Variants in ARID3A observed in about 807,000 individuals in gnomAD.
ARID3A encodes the protein AT-rich interactive domain-containing protein 3A.
ARID3A carries 11 observed loss-of-function variants against 52.7 expected under a neutral mutation model. The observed-to-expected ratio is 0.21, with a 90% CI of 0.13 to 0.35. The LOEUF (loss-of-function observed/expected upper bound fraction) is 0.35. Ranked by LOEUF, ARID3A falls within the 10% of genes least tolerant of loss-of-function variation. ARID3A has a pLI of 1.00. For synonymous variants in ARID3A, 404 were observed against 359.4 expected (o/e 1.12, Z -1.40); for missense variants, 721 against 838.5 (o/e 0.86, Z 1.73).
chr19:926,279 A>AG (rs34554713), intron 1 of ARID3A, among the ~76,000 whole-genome samples: 76,250 of 150,454 alleles, frequency 0.51, 21,886 homozygotes, highest in Non-Finnish European at 0.64. Context: ...AAGCCAAAGA[A>AG]GGGGGTCCCC....
intron 3 of ARID3A, among the ~76,000 whole-genome samples, chr19:956,185 G>A (rs1000661357): frequency 6.6e-5 from 10 of 152,154 alleles, no homozygotes; most frequent in African/African-American, 9.7e-5. Flanking sequence ...CAGCCCCAGC[G>A]GTGAAGTCCT....
In ARID3A at chr19:929,763, G is replaced by T. The variant is rs116393241; in HGVS notation, c.235G>T (p.Gly79Cys). The T allele has an allele frequency of 5.7e-4, 888 of 1,552,708 alleles. 1 individual carries two copies. Among genetic ancestry groups the T allele is most frequent in the Non-Finnish European group, 7.4e-4 (854 of 1,154,996 alleles). Reference protein sequence around the residue: ...AAGLGHPASPGGSEDGPPGSE... With the variant: ...AAGLGHPASPCGSEDGPPGSE... ...GGGCCTGGGACACCCAGCCAGCCCC[G>T]GCGGCTCTGAGGATGGGCCCCCAGG... The change falls in exon 2 of 9, where the codon GGC becomes TGC. Residue 79 changes from glycine (G) to cysteine (C), a missense_variant. Coordinates refer to ENST00000263620, the MANE Select transcript of ARID3A (RefSeq NM_005224.3). This position sits in a 1 kb window ranked among gnomAD's most constrained non-coding sequence, Gnocchi z 6.2.
chr19:946,423 G>A (rs1339954638), intron 3 of ARID3A, among the ~76,000 whole-genome samples: 13 of 147,424 alleles, frequency 8.8e-5, no homozygotes, highest in South Asian at 6.4e-4. Context: ...CACCACGCCC[G>A]GCTAATTTTT....
intron 3 of ARID3A, among the ~76,000 whole-genome samples, chr19:933,384 G>A (rs560923105): frequency 7.9e-5 from 12 of 152,292 alleles, no homozygotes; most frequent in African/African-American, 2.6e-4. Flanking sequence ...GGAAGTGGCC[G>A]GGCGGGGGAT....
At chr19:931,176 C>G (rs1156525401) in intron 2 of ARID3A, among the ~76,000 whole-genome samples, 2 of 152,150 alleles carry the variant, frequency 1.3e-5, no homozygotes, top group Admixed American at 1.3e-4. Flanking sequence ...CATCTGTGGT[C>G]CCAGCTACTC....
chr19:938,930 CTT>C lies in ARID3A; in HGVS notation c.693+6205_693+6206del, dbSNP rs5826711. ...CACATAGATACATTATTTTATCTCT[CTT>C]TTTTTTTTTTTTTTTTGAGACGGAG... On this transcript the variant is annotated intron_variant, in intron 3 of 8. Transcript: ENST00000263620. The surrounding 1 kb of genome is among the most constrained non-coding windows in gnomAD (Gnocchi z 4.0). Among the ~76,000 whole-genome samples the C allele has an allele frequency of 0.043, 5,477 of 128,096 alleles. 167 individuals are homozygous for C. The highest frequency in any genetic ancestry group is 0.12 in the African/African-American group (4,030 of 32,814). 84.0% of individuals were successfully genotyped at this position (128,096 alleles called of 152,430 possible).
rs192414465 is a variant in ARID3A, at chr19:948,802, C to T, written c.694-11290C>T. Among the ~76,000 whole-genome samples, 511 of 151,512 alleles carry T rather than the reference C, an allele frequency of 3.4e-3. 3 individuals carry two copies. Among genetic ancestry groups the T allele is most frequent in the African/African-American group, 0.012 (480 of 41,266 alleles). ...TCAGCTCACTGCAACCTCCGCCTCC[C>T]GGATTCAAGTGATTCTCCTGCCTCA... is the stretch of plus-strand genomic sequence containing the variant. On this transcript the variant is annotated intron_variant, in intron 3 of 8. Coordinates refer to ENST00000263620, the MANE Select transcript of ARID3A (RefSeq NM_005224.3).
At chr19:969,345 T>G (rs1223617526) in intron 8 of ARID3A, among the ~76,000 whole-genome samples, 2 of 151,842 alleles carry the variant, frequency 1.3e-5, no homozygotes, top group Non-Finnish European at 2.9e-5. Context: ...AAGACCAGTC[T>G]GGGCAACATA....
At position 942,510 on chromosome 19, in the gene ARID3A, C is replaced by T. The variant is rs10412796; in HGVS notation, c.693+9768C>T. On this transcript the variant is annotated intron_variant, in intron 3 of 8. Transcript: ENST00000263620. This position sits in a 1 kb window ranked among gnomAD's most constrained non-coding sequence, Gnocchi z 8.1. ...CTGCCGGCTGCACATGGCCAGAGGA[C>T]AATTGGGGGTCACAGGGTTAAACGC... 4.2e-3 allele frequency among the ~76,000 whole-genome samples: 647 copies of T among 152,322 alleles called. 6 individuals carry two copies. The highest frequency in any genetic ancestry group is 0.015 in the African/African-American group (626 of 41,568).
chr19:964,714 C>T lies in ARID3A; in HGVS notation c.951-119C>T. On this transcript the variant is annotated intron_variant, in intron 5 of 8. Coordinates refer to ENST00000263620, the MANE Select transcript of ARID3A (RefSeq NM_005224.3). This position sits in a 1 kb window ranked among gnomAD's most constrained non-coding sequence, Gnocchi z 5.7. ...CCCAGCAGCTCTGGGGGCTGCTGAG[C>T]AAGTCCAAGGGAAGAACCAGGGATG... 1 of 1,457,428 alleles carries T rather than the reference C, an allele frequency of 6.9e-7. No individual in the cohort carries two copies. The highest frequency in any genetic ancestry group is 2.5e-5 in the East Asian group (1 of 40,816). 90.3% of individuals were successfully genotyped at this position (1,457,428 alleles called of 1,614,324 possible).
intron 3 of ARID3A, among the ~76,000 whole-genome samples, chr19:957,331 G>A (rs2037943288): frequency 6.6e-6 from 1 of 152,224 alleles, no homozygotes; most frequent in South Asian, 2.1e-4. Context: ...ATGGGAAGCA[G>A]GGCGGGGCTC....
chr19:953,482 C>A (rs182341180), intron 3 of ARID3A, among the ~76,000 whole-genome samples: 8 of 150,934 alleles, frequency 5.3e-5, no homozygotes, highest in Admixed American at 1.3e-4. Flanking sequence ...CACACCCCCC[C>A]CCGTGCAGAG....
chr19:939,328 AG>A (rs2037498708), intron 3 of ARID3A, among the ~76,000 whole-genome samples: 1 of 152,096 alleles, frequency 6.6e-6, no homozygotes, highest in Admixed American at 6.5e-5. Context: ...CATGTTGCCC[AG>A]GGTGGTCTCG....
At chr19:936,542 C>T (rs1400861655) in intron 3 of ARID3A, among the ~76,000 whole-genome samples, 2 of 151,632 alleles carry the variant, frequency 1.3e-5, no homozygotes, top group Non-Finnish European at 2.9e-5. Context: ...GACCCTGTCT[C>T]GAAAAAATAA....
At chr19:965,907 G>A (rs1201579612) in intron 6 of ARID3A, among the ~76,000 whole-genome samples, 3 of 150,144 alleles carry the variant, frequency 2.0e-5, no homozygotes, top group Admixed American at 6.7e-5. Flanking sequence ...CAGGAGAATC[G>A]CTTGAACCCA....
intron 1 of ARID3A, among the ~76,000 whole-genome samples, chr19:927,285 G>A (rs937681029): frequency 6.6e-6 from 1 of 152,118 alleles, no homozygotes; most frequent in Non-Finnish European, 1.5e-5. Flanking sequence ...TCATAAAATG[G>A]GGGTGGGGGT....
intron 3 of ARID3A, among the ~76,000 whole-genome samples, chr19:946,686 C>A (rs1203896795): frequency 2.6e-5 from 4 of 152,234 alleles, no homozygotes; most frequent in Admixed American, 2.6e-4. Flanking sequence ...AGTGATCCGC[C>A]TGCCTCGGCC....
At chr19:931,507 C>T (rs1323895481) in intron 2 of ARID3A, among the ~76,000 whole-genome samples, 1 of 150,534 alleles carries the variant, frequency 6.6e-6, no homozygotes, top group African/African-American at 2.4e-5. Flanking sequence ...CAGGTGATAT[C>T]AGGTTGTACA....
rs745885970 is a variant in ARID3A, at chr19:965,057, C to A, written c.1175C>A (p.Thr392Asn). 5.0e-6 allele frequency: 8 copies of A among 1,610,104 alleles called. No individual in the cohort carries two copies. Among genetic ancestry groups the A allele is most frequent in the South Asian group, 2.2e-5 (2 of 90,854 alleles). ...GCAAGCACCAATGGCAGCTCCATCA[C>A]CCCCGCCCCTAAGATCAAGAAAGGT... ...LAASTNGSSI[T>N]PAPKIKKEED... The change falls in exon 6 of 9, where the codon ACC becomes AAC. Residue 392 changes from threonine (T) to asparagine (N), a missense_variant. Transcript: ENST00000263620.
Sources: gnomAD v4.1 joint callset for allele counts (sites outside exome capture counted in the v4.1 genomes callset) on GRCh38, gnomAD v4.1.1 for gene constraint, Gnocchi (gnomAD v3.1) non-coding constraint, MANE v1.5 for transcripts, NCBI Gene and HGNC (gene_info 2026-07-23, HGNC 2026-07-21) for gene names.